EPHA5: variants seen among roughly 807,000 people sequenced by gnomAD.
The protein encoded by EPHA5 is ephrin type-A receptor 5.
EPHA5 carries 60 observed loss-of-function variants against 105.0 expected under a neutral mutation model. That is an observed-to-expected ratio of 0.57 (90% CI 0.46 to 0.71). EPHA5 has a LOEUF of 0.71. EPHA5 is among the 30% of genes least tolerant of loss of function. The pLI, the probability that EPHA5 is intolerant of heterozygous loss-of-function variation, is 0.00. For synonymous variants in EPHA5, 513 were observed against 449.1 expected (o/e 1.14, Z -1.80); for missense variants, 1,218 against 1,274.7 (o/e 0.96, Z 0.68).
At chr4:65,540,516 A>C (rs906742846) in intron 3 of EPHA5, among the ~76,000 whole-genome samples, 3 of 151,468 alleles carry the variant, frequency 2.0e-5, no homozygotes, top group South Asian at 2.1e-4. Flanking sequence ...TAAATGCCCC[A>C]AAAAAGCATA....
Position 65,414,366 on chromosome 4 carries a change from A to G in EPHA5, c.1605T>C (p.Val535=), listed in dbSNP as rs1284337316. 3 of 1,613,888 alleles carry G rather than the reference A, an allele frequency of 1.9e-6. No homozygotes were observed. The African/African-American group carries it at 4.0e-5, about 22-fold the overall frequency. ...ITAEGLKPAS[V]YVFQIRARTA... ...TACGTGCTCGAATTTGGAAGACATA[A>G]ACTGAAGCTGGTTTCAAGCCCTCTG... is the stretch of plus-strand genomic sequence containing the variant. The change falls in exon 7 of 17, where the codon GTT becomes GTC. Residue 535 remains valine, a synonymous_variant. Coordinates refer to ENST00000613740, the MANE Select transcript of EPHA5 (RefSeq NM_001281766.3).
At chr4:65,606,646 A>G (rs1349049868) in intron 2 of EPHA5, among the ~76,000 whole-genome samples, 1 of 152,198 alleles carries the variant, frequency 6.6e-6, no homozygotes, top group East Asian at 1.9e-4. Context: ...ACATTTTACT[A>G]ATTGTAACTG....
At chr4:65,433,474 T>C (rs1274898048) in intron 5 of EPHA5, among the ~76,000 whole-genome samples, 15 of 152,196 alleles carry the variant, frequency 9.9e-5, no homozygotes, top group African/African-American at 3.4e-4. Flanking sequence ...GGCCATAGAA[T>C]ATGAGACTCT....
intron 8 of EPHA5, among the ~76,000 whole-genome samples, chr4:65,370,583 G>T (rs1269049037): frequency 2.0e-5 from 3 of 152,024 alleles, no homozygotes; most frequent in African/African-American, 4.8e-5. Flanking sequence ...TTTCAAAATT[G>T]TATCCTCAAA....
At chr4:65,489,821 G>A (rs2149210588) in intron 5 of EPHA5, among the ~76,000 whole-genome samples, 1 of 152,188 alleles carries the variant, frequency 6.6e-6, no homozygotes, top group East Asian at 1.9e-4. Flanking sequence ...GTTTTCAGGT[G>A]GTTGTATAAT....
intron 11 of EPHA5, among the ~76,000 whole-genome samples, chr4:65,357,027 CA>C (rs1723365755): frequency 6.6e-6 from 1 of 151,412 alleles, no homozygotes; most frequent in African/African-American, 2.4e-5. Context: ...ATTTTAATCA[CA>C]GGGGAGAGTT....
At chr4:65,475,111 C>G (rs921447673) in intron 5 of EPHA5, among the ~76,000 whole-genome samples, 10 of 152,120 alleles carry the variant, frequency 6.6e-5, no homozygotes, top group Non-Finnish European at 7.4e-5. Context: ...AGATTTGATG[C>G]TATTACTATT....
At chr4:65,365,845 A>G in intron 10 of EPHA5, 87 bp downstream of exon 10, 2 of 1,346,932 alleles carry the variant, frequency 1.5e-6, no homozygotes, top group South Asian at 3.3e-5. Context: ...AAGATTAAAA[A>G]CATTCTCTGT....
chr4:65,334,603 A>G (rs1036977705), intron 15 of EPHA5, among the ~76,000 whole-genome samples: 2 of 151,988 alleles, frequency 1.3e-5, no homozygotes, highest in African/African-American at 4.8e-5. Context: ...AACAATTTCT[A>G]GAGTCAGGAT....
intron 5 of EPHA5, among the ~76,000 whole-genome samples, chr4:65,479,102 G>A (rs1265043937): frequency 6.6e-6 from 1 of 152,050 alleles, no homozygotes; most frequent in Non-Finnish European, 1.5e-5. Context: ...ATGCTACTGA[G>A]TAGATTATTG....
At position 65,324,189 on chromosome 4, in the gene EPHA5, G is replaced by A. The variant is rs756045103; in HGVS notation, c.2976C>T (p.Val992=). ...TGTTCATGATCTTCTTCTGGTGACC[G>A]ACAAGAGTCACTCCAAGCCGTCTCA... is the stretch of plus-strand genomic sequence containing the variant. The part of the protein sequence containing the change: ...EDLRRLGVTL[V]GHQKKIMNSL... The change falls in exon 17 of 17, where the codon GTC becomes GTT. Residue 992 remains valine (V), a synonymous_variant. Transcript: ENST00000613740. 19 of 1,609,058 alleles carry A rather than the reference G, an allele frequency of 1.2e-5. 1 individual carries two copies. In the South Asian group the frequency reaches 1.3e-4, roughly 11 times the overall value.
intron 15 of EPHA5, among the ~76,000 whole-genome samples, chr4:65,335,354 C>T (rs1721073566): frequency 6.6e-6 from 1 of 151,930 alleles, no homozygotes; most frequent in South Asian, 2.1e-4. Context: ...AAAATATGCT[C>T]ATTTACTCCC....
At chr4:65,605,573 C>G (rs867122626) in intron 2 of EPHA5, among the ~76,000 whole-genome samples, 1 of 152,100 alleles carries the variant, frequency 6.6e-6, no homozygotes, top group Non-Finnish European at 1.5e-5. Flanking sequence ...TGAACAGAGA[C>G]AATTTTAACC....
At chr4:65,401,230 C>A (rs1721789708) in intron 8 of EPHA5, among the ~76,000 whole-genome samples, 1 of 152,030 alleles carries the variant, frequency 6.6e-6, no homozygotes, top group Non-Finnish European at 1.5e-5. Flanking sequence ...CACATTTCTT[C>A]ATTTAGTTTT....
At chr4:65,585,550 A>G (rs1742037097) in intron 3 of EPHA5, among the ~76,000 whole-genome samples, 1 of 151,940 alleles carries the variant, frequency 6.6e-6, no homozygotes, top group South Asian at 2.1e-4. Context: ...TTATTAGTAG[A>G]AAAGCTGAAA....
chr4:65,594,130 C>T (rs866811902), intron 3 of EPHA5, among the ~76,000 whole-genome samples: 2 of 151,866 alleles, frequency 1.3e-5, no homozygotes, highest in African/African-American at 2.4e-5. Context: ...TTTTTGGTTT[C>T]CTGGAACATT....
chr4:65,398,850 G>A (rs1000263370), intron 8 of EPHA5, among the ~76,000 whole-genome samples: 1 of 152,098 alleles, frequency 6.6e-6, no homozygotes, highest in Admixed American at 6.5e-5. Flanking sequence ...CCCACTTTGG[G>A]TCTCCTTAAA....
At chr4:65,663,691 T>A (rs1749732100) in intron 1 of EPHA5, among the ~76,000 whole-genome samples, 2 of 151,972 alleles carry the variant, frequency 1.3e-5, no homozygotes, top group South Asian at 4.1e-4. Context: ...TTTAAACCAC[T>A]CAAATATTTC....
At chr4:65,492,162 G>C (rs1280529612) in intron 4 of EPHA5, among the ~76,000 whole-genome samples, 2 of 152,076 alleles carry the variant, frequency 1.3e-5, no homozygotes, top group Non-Finnish European at 2.9e-5. Flanking sequence ...AAAGTGGTAA[G>C]AAAGCTAATT....
Sources: gnomAD v4.1 joint callset for allele counts (sites outside exome capture counted in the v4.1 genomes callset) on GRCh38, gnomAD v4.1.1 for gene constraint, MANE v1.5 for transcripts, NCBI Gene and HGNC (gene_info 2026-07-23, HGNC 2026-07-21) for gene names.